The following RSRC1 variants were observed in gnomAD, a reference collection of about 807,000 sequenced individuals.
The protein encoded by RSRC1 is arginine and serine rich coiled-coil 1, also known as serine/Arginine-related protein 53.
RSRC1 carries 39 observed loss-of-function variants against 49.1 expected under a neutral mutation model. That is an observed-to-expected ratio of 0.79 (90% CI 0.61 to 1.04). RSRC1 has a LOEUF of 1.04. RSRC1 is among the 50% of genes least tolerant of loss of function. The pLI is 0.00. For synonymous variants in RSRC1, 143 were observed against 130.8 expected, an observed-to-expected ratio of 1.09 and a Z score of -0.63; for missense variants, 388 against 402.4, an observed-to-expected ratio of 0.96 and a Z score of 0.31.
chr3:158,376,569 C>A (rs1344784374), intron 6 of RSRC1, among the ~76,000 whole-genome samples: 1 of 152,090 alleles, frequency 6.6e-6, no homozygotes, highest in Non-Finnish European at 1.5e-5. Context: ...CTAAGCTCTT[C>A]TTGGGTTCCC....
At chr3:158,110,692 G>A (rs1714326521) in intron 1 of RSRC1, 2 of 152,496 alleles carry the variant, frequency 1.3e-5, no homozygotes, top group Admixed American at 1.3e-4. Flanking sequence ...CTCTCTTTCT[G>A]ATTCCGCCCT....
chr3:158,477,508 A>G (rs972566219), intron 7 of RSRC1, among the ~76,000 whole-genome samples: 1 of 152,124 alleles, frequency 6.6e-6, no homozygotes, highest in African/African-American at 2.4e-5. Context: ...AAAGGCTCAG[A>G]TGATCATTTG....
chr3:158,529,213 T>C (rs1712232384), intron 7 of RSRC1, among the ~76,000 whole-genome samples: 1 of 112,706 alleles, frequency 8.9e-6, no homozygotes, highest in Non-Finnish European at 1.8e-5. Flanking sequence ...TATGTGTGTG[T>C]GTATATATAT....
intron 3 of RSRC1, among the ~76,000 whole-genome samples, chr3:158,139,556 T>A (rs1306212824): frequency 6.6e-6 from 1 of 152,168 alleles, no homozygotes; most frequent in African/African-American, 2.4e-5. Context: ...TTCTTGTGTG[T>A]GTTTAATACT....
intron 3 of RSRC1, among the ~76,000 whole-genome samples, chr3:158,197,868 A>G (rs1229165494): frequency 2.6e-5 from 4 of 151,916 alleles, no homozygotes; most frequent in Non-Finnish European, 5.9e-5. Flanking sequence ...AGTTTGTTAT[A>G]ATTTCTGTTC....
chr3:158,273,658 G>A (rs1313287892), intron 4 of RSRC1, among the ~76,000 whole-genome samples: 1 of 152,072 alleles, frequency 6.6e-6, no homozygotes, highest in African/African-American at 2.4e-5. Context: ...ATGTCAGTGT[G>A]TTTATAAGGT....
intron 7 of RSRC1, among the ~76,000 whole-genome samples, chr3:158,513,807 G>C (rs1372840412): frequency 6.6e-6 from 1 of 152,182 alleles, no homozygotes; most frequent in Non-Finnish European, 1.5e-5. Context: ...CCTGTTATTG[G>C]TCTATTCAGA....
intron 6 of RSRC1, among the ~76,000 whole-genome samples, chr3:158,399,883 C>T (rs1733813521): frequency 6.6e-6 from 1 of 152,058 alleles, no homozygotes; most frequent in Non-Finnish European, 1.5e-5. Context: ...ACTTATTTTC[C>T]TCCAATAAAC....
intron 5 of RSRC1, among the ~76,000 whole-genome samples, chr3:158,350,929 T>C (rs1014460184): frequency 3.3e-5 from 5 of 152,152 alleles, no homozygotes. Context: ...AGCCAGCTAG[T>C]GTGATGATAG....
At chr3:158,524,778 A>C (rs145228984) in intron 7 of RSRC1, among the ~76,000 whole-genome samples, 1 of 152,172 alleles carries the variant, frequency 6.6e-6, no homozygotes, top group African/African-American at 2.4e-5. Flanking sequence ...AAAACTACCA[A>C]GGCAATTCAA....
At chr3:158,188,585 A>G (rs866552262) in intron 3 of RSRC1, among the ~76,000 whole-genome samples, 1 of 151,908 alleles carries the variant, frequency 6.6e-6, no homozygotes, top group African/African-American at 2.4e-5. Flanking sequence ...TAGGCTGCCT[A>G]TTGCATAGTA....
At chr3:158,353,010 C>T (rs987855945) in intron 5 of RSRC1, among the ~76,000 whole-genome samples, 2 of 152,140 alleles carry the variant, frequency 1.3e-5, no homozygotes, top group African/African-American at 4.8e-5. Flanking sequence ...ATAAAGCGTG[C>T]TTACATACAT....
chr3:158,420,896 G>C (rs6794264), intron 6 of RSRC1, among the ~76,000 whole-genome samples: 2 of 151,844 alleles, frequency 1.3e-5, no homozygotes, highest in African/African-American at 4.8e-5. Context: ...GTACATTCTG[G>C]TGGAGAAAGT....
intron 4 of RSRC1, among the ~76,000 whole-genome samples, chr3:158,292,856 C>T (rs1295062823): frequency 6.6e-6 from 1 of 152,138 alleles, no homozygotes; most frequent in East Asian, 1.9e-4. Context: ...GGCAAGTAAG[C>T]CTCACATCAT....
At chr3:158,438,448 G>A (rs9810345) in intron 6 of RSRC1, among the ~76,000 whole-genome samples, 78,525 of 151,896 alleles carry the variant, frequency 0.52, 20,718 homozygotes, top group South Asian at 0.6. Context: ...CCAAAACAGC[G>A]TGATACTGGT....
At chr3:158,242,877 C>T (rs1324976434) in intron 4 of RSRC1, among the ~76,000 whole-genome samples, 2 of 151,984 alleles carry the variant, frequency 1.3e-5, no homozygotes, top group Non-Finnish European at 2.9e-5. Flanking sequence ...TGTTCATGTC[C>T]TTTGCCCACT....
intron 4 of RSRC1, among the ~76,000 whole-genome samples, chr3:158,236,589 T>G (rs1467524190): frequency 5.3e-5 from 8 of 152,228 alleles, no homozygotes; most frequent in Non-Finnish European, 1.0e-4. Context: ...TGGCTTTTTT[T>G]GCTCAGCATA....
At chr3:158,512,429 A>G (rs1245592862) in intron 7 of RSRC1, among the ~76,000 whole-genome samples, 5 of 150,594 alleles carry the variant, frequency 3.3e-5, no homozygotes, top group South Asian at 2.1e-4. Flanking sequence ...AGTTGTAGAT[A>G]TGCGGCGTTA....
At chr3:158,328,661 TA>T (rs1293498728) in intron 5 of RSRC1, among the ~76,000 whole-genome samples, 2 of 152,188 alleles carry the variant, frequency 1.3e-5, no homozygotes, top group Non-Finnish European at 2.9e-5. Flanking sequence ...TGGCTGCCCT[TA>T]ACATTTTTTC....
Sources: allele counts gnomAD v4.1 joint callset (sites outside exome capture counted in the v4.1 genomes callset), GRCh38; gene constraint gnomAD v4.1.1; transcripts MANE v1.5; gene names NCBI Gene and HGNC (gene_info 2026-07-23, HGNC 2026-07-21).